Variants in SMYD5 observed in about 807,000 individuals in gnomAD.
The protein encoded by SMYD5 is SMYD family member 5.
SMYD5 carries 35 observed loss-of-function variants against 57.4 expected under a neutral mutation model. The observed-to-expected ratio is 0.61, with a 90% CI of 0.47 to 0.81. The LOEUF (loss-of-function observed/expected upper bound fraction) is 0.81, where lower values mean the gene tolerates loss of function less well. SMYD5 is among the 30% of genes least tolerant of loss of function. The pLI is 0.00. For synonymous variants in SMYD5, 198 were observed against 189.7 expected (o/e 1.04, Z -0.36); for missense variants, 471 against 527.9 (o/e 0.89, Z 1.06).
intron 7 of SMYD5, 67 bp from the exon 8 acceptor site, chr2:73,222,969 C>G: frequency 6.5e-7 from 1 of 1,536,714 alleles, no homozygotes; most frequent in Non-Finnish European, 9.0e-7. Context: ...GCTTCCCAAA[C>G]AGAGAGTCCA....
At chr2:73,224,092 C>T (rs1686456478) in intron 10 of SMYD5, 89 bp downstream of exon 10, 1 of 1,238,740 alleles carries the variant, frequency 8.1e-7, no homozygotes, top group Non-Finnish European at 1.2e-6. Flanking sequence ...TCTCAGTTGG[C>T]CCTTTCTAGG....
In SMYD5 at chr2:73,222,920, T is replaced by G. The variant is rs1379212651; in HGVS notation, c.705+103T>G. 4.0e-6 allele frequency: 6 copies of G among 1,498,284 alleles called. No homozygotes were observed. The Admixed American group carries it at 1.0e-4, about 25-fold the overall frequency. The allele number at this position is 1,498,284 out of a possible 1,614,324, so 92.8% of individuals were successfully genotyped here. A position where few individuals can be genotyped will look rare whatever the true frequency, so the allele number is the denominator to read the frequency against. On this transcript the variant is annotated intron_variant, in intron 7 of 12. Coordinates refer to ENST00000389501, the MANE Select transcript of SMYD5 (RefSeq NM_006062.3). ...CTGGGACAGCTGAGCCAAAGCCGAC[T>G]TGGTCTTCTGGAGTTCAGATGAGCC...
intron 6 of SMYD5, 122 bp from the exon 7 acceptor site, chr2:73,222,633 C>T (rs988934313): frequency 1.3e-5 from 10 of 751,238 alleles, no homozygotes; most frequent in Middle Eastern, 3.1e-4. Flanking sequence ...TTTGCCCCTA[C>T]GGAAAGCTCA....
rs368928880 is a variant in SMYD5, at chr2:73,220,110, G to T, written c.265G>T (p.Gly89Trp). 3.1e-6 allele frequency: 5 copies of T among 1,614,118 alleles called. No homozygotes were observed. The highest frequency in any genetic ancestry group is 1.7e-5 in the Admixed American group (1 of 60,022). Residue 89 changes from glycine to tryptophan, a missense_variant, in exon 3 of 13, where the codon GGG (glycine) becomes TGG (tryptophan). Gly to Trp is a radical substitution (Grantham distance 184, BLOSUM62 -2). Transcript: ENST00000389501. ...KAEENAQRLT[G>W]KPGQVLPHPE... ...AGAGGAGAATGCCCAGAGGCTGACCGGGAAACCAGGCCAGGTTCTGCCTCA... is the reference window on the plus strand; with the variant it reads ...AGAGGAGAATGCCCAGAGGCTGACCTGGAAACCAGGCCAGGTTCTGCCTCA...
chr2:73,222,178 C>T (rs539298032), intron 6 of SMYD5, among the ~76,000 whole-genome samples: 1 of 152,334 alleles, frequency 6.6e-6, no homozygotes, highest in East Asian at 1.9e-4. Context: ...CCTGAAAGTG[C>T]TCCCTAACTG....
intron 1 of SMYD5, 134 bp downstream of exon 1, chr2:73,214,496 C>G (rs924919364): frequency 1.1e-5 from 16 of 1,496,518 alleles, no homozygotes; most frequent in African/African-American, 9.8e-5. Context: ...GCTCGCGGCC[C>G]GGGGGCTCCC....
intron 4 of SMYD5, 81 bp downstream of exon 4, chr2:73,220,863 TCTTAAG>T: frequency 6.6e-7 from 1 of 1,517,350 alleles, no homozygotes; most frequent in South Asian, 1.2e-5. Context: ...TTGCCGTCTT[TCTTAAG>T]TTCCAATTCC....
intron 6 of SMYD5, 71 bp downstream of exon 6, chr2:73,222,001 G>A (rs542792692): frequency 5.9e-4 from 567 of 964,346 alleles, no homozygotes; most frequent in Non-Finnish European, 8.8e-4. Context: ...CAGCTGTGGG[G>A]AGCACCACAT....
chr2:73,221,291 C>A, intron 5 of SMYD5, 57 bp downstream of exon 5: 2 of 1,431,886 alleles, frequency 1.4e-6, no homozygotes, highest in South Asian at 2.3e-5. Context: ...AACCCTTGGT[C>A]TCAGTCTTTT....
intron 6 of SMYD5, 76 bp from the exon 7 acceptor site, chr2:73,222,679 A>G (rs1241955710): frequency 3.2e-6 from 4 of 1,262,366 alleles, no homozygotes; most frequent in Non-Finnish European, 4.5e-6. Context: ...TCCCTCCCCT[A>G]GTCGCCTGGG....
intron 12 of SMYD5, 21 bp from the exon 13 acceptor site, chr2:73,225,775 C>T (rs755214190): frequency 6.2e-7 from 1 of 1,613,972 alleles, no homozygotes; most frequent in South Asian, 1.1e-5. Context: ...TTTTCCCCCT[C>T]ACCATCCCCC....
chr2:73,225,612 G>A lies in SMYD5; in HGVS notation c.1036-19G>A. On this transcript the variant is annotated intron_variant, in intron 11 of 12. Transcript: ENST00000389501. Reference sequence around the variant, plus strand: ...TTAAAAGAGCACAGACCATCAGACTGCACTTCTCTGCCCTACAGGAAATTT... The same window carrying A: ...TTAAAAGAGCACAGACCATCAGACTACACTTCTCTGCCCTACAGGAAATTT... 2 of 1,612,382 alleles carry A rather than the reference G, an allele frequency of 1.2e-6. No homozygotes were observed. Among genetic ancestry groups the A allele is most frequent in the African/African-American group, 1.3e-5 (1 of 75,020 alleles).
chr2:73,222,563 C>T lies in SMYD5; in HGVS notation c.643-192C>T, dbSNP rs548998870. 3.9e-5 allele frequency among the ~76,000 whole-genome samples: 6 copies of T among 152,306 alleles called. No homozygotes were observed. The East Asian group carries it at 1.2e-3, about 29-fold the overall frequency. On this transcript the variant is annotated intron_variant, in intron 6 of 12. Transcript: ENST00000389501. ...GGAGAGAAATTTGGGTTTGCCACCC[C>T]GGGTTGGAACAGGCCGGCAGACTGC...
In SMYD5 at chr2:73,225,952, C is replaced by G. The variant is rs775507061; in HGVS notation, c.*6C>G. ...ATGAGATGACTGATGTGTGATGTTG[C>G]CCTGCCCAGAAAGGGCCCTGCCCTA... On this transcript the variant is annotated 3_prime_UTR_variant, in exon 13 of 13. Coordinates refer to ENST00000389501, the MANE Select transcript of SMYD5 (RefSeq NM_006062.3). The G allele has an allele frequency of 3.1e-6, 5 of 1,610,502 alleles. No homozygotes were observed. In the African/African-American group the frequency reaches 5.3e-5, roughly 17 times the overall value.
Position 73,220,523 on chromosome 2 carries a change from T to C in SMYD5, c.346-138T>C, listed in dbSNP as rs973953430. 2.2e-5 allele frequency: 23 copies of C among 1,023,166 alleles called. No homozygotes were observed. The African/African-American group carries it at 3.5e-4, about 16-fold the overall frequency. 63.4% of individuals were successfully genotyped at this position (1,023,166 alleles called of 1,614,324 possible). A position where few individuals can be genotyped will look rare whatever the true frequency, so the allele number is the denominator to read the frequency against. ...CAAGCCTAGGTGTGCCTTTCACATA[T>C]CCCCAGAGCACCCTATGTTTTCTCT... On this transcript the variant is annotated intron_variant, in intron 3 of 12. Transcript: ENST00000389501.
chr2:73,220,873 C>T (rs982878584), intron 4 of SMYD5, 91 bp downstream of exon 4: 7 of 1,452,488 alleles, frequency 4.8e-6, no homozygotes, highest in Non-Finnish European at 6.6e-6. Flanking sequence ...TCTTAAGTTC[C>T]AATTCCCCGG....
rs539085474 is a variant in SMYD5, at chr2:73,220,761, A to G, written c.446A>G (p.Asn149Ser). The change falls in exon 4 of 13, where the codon AAT (asparagine) becomes AGT (serine). Residue 149 changes from asparagine to serine, a missense_variant. Physicochemically the swap from Asn to Ser is conservative, Grantham distance 46. Coordinates refer to ENST00000389501, the MANE Select transcript of SMYD5 (RefSeq NM_006062.3). ...CAGGATGACCCCTTGCATCCTCTCA[A>G]TAAGCTTCAGGAGGCATGGAGGTAG... is the stretch of plus-strand genomic sequence containing the variant. ...PSQDDPLHPL[N>S]KLQEAWRSIH... The G allele has an allele frequency of 8.1e-6, 13 of 1,613,990 alleles. No homozygotes were observed. Among genetic ancestry groups the G allele is most frequent in the South Asian group, 4.4e-5 (4 of 91,084 alleles).
At chr2:73,219,776 C>T (rs1686350589) in intron 2 of SMYD5, 5 of 496,096 alleles carry the variant, frequency 1.0e-5, no homozygotes, top group Non-Finnish European at 1.9e-5. Flanking sequence ...AGGGGAGCCC[C>T]ACAGAGTGAG....
At chr2:73,222,082 CTGCCACTGTTTACTTCA>C (rs1327636432) in intron 6 of SMYD5, 152 bp downstream of exon 6, 2 of 614,270 alleles carry the variant, frequency 3.3e-6, no homozygotes, top group African/African-American at 3.7e-5. Context: ...AGTTACATTC[CTGCCACTGTTTACTTCA>C]TGACCTCATG....
Sources: allele counts gnomAD v4.1 joint callset (sites outside exome capture counted in the v4.1 genomes callset), GRCh38; gene constraint gnomAD v4.1.1; transcripts MANE v1.5; gene names NCBI Gene and HGNC (gene_info 2026-07-23, HGNC 2026-07-21).